Variants in CCNH observed in about 807,000 individuals in gnomAD.
The protein encoded by CCNH is cyclin-H.
CCNH carries 31 observed loss-of-function variants against 41.9 expected under a neutral mutation model. The ratio of observed to expected loss-of-function variants is 0.74; its 90% CI spans 0.56 to 1.00. The LOEUF (loss-of-function observed/expected upper bound fraction) is 1.00, where lower values mean the gene tolerates loss of function less well. Ranked by LOEUF, CCNH falls within the 50% of genes least tolerant of loss-of-function variation. The probability of loss-of-function intolerance (pLI) is 0.00; values close to 1 mark genes in which losing one functional copy is unlikely to be tolerated. For missense variants in CCNH, 362 were observed against 388.4 expected (o/e 0.93, Z 0.57); for synonymous variants, 138 against 136.1 (o/e 1.01, Z -0.10).
intron 9 of CCNH, among the ~76,000 whole-genome samples, chr5:87,344,567 T>A (rs565718115): frequency 8.5e-5 from 13 of 152,164 alleles, no homozygotes; most frequent in Non-Finnish European, 1.6e-4. Context: ...CGGAGTGCAG[T>A]AGTGCTATCA....
At chr5:87,338,230 G>A in intron 9 of CCNH, 1 of 1,359,726 alleles carries the variant, frequency 7.4e-7, no homozygotes. Context: ...AATTATAAGT[G>A]CTGTTTGTTA....
chr5:87,329,892 A>T (rs573979425), intron 9 of CCNH, among the ~76,000 whole-genome samples: 1 of 152,266 alleles, frequency 6.6e-6, no homozygotes, highest in East Asian at 1.9e-4. Flanking sequence ...CTTAGGGTTC[A>T]TTTACGATCT....
chr5:87,348,594 T>C (rs912910007), intron 9 of CCNH, among the ~76,000 whole-genome samples: 1 of 152,018 alleles, frequency 6.6e-6, no homozygotes, highest in Admixed American at 6.6e-5. Flanking sequence ...GAATCTACCT[T>C]TATAAAAAGC....
At chr5:87,379,469 C>CT (rs1262826271), upstream of CCNH, among the ~76,000 whole-genome samples, 5 of 152,098 alleles carry the variant, frequency 3.3e-5, no homozygotes, top group Non-Finnish European at 7.4e-5. Flanking sequence ...TTTTAATCAG[C>CT]TTTTTTTCCC....
At chr5:87,376,634 C>G in exon 1 of CCNH, 2 of 1,534,178 alleles carry the variant, frequency 1.3e-6, no homozygotes, top group South Asian at 1.1e-5. Flanking sequence ...AATAAAAGAT[C>G]CATTAAGGTA....
At chr5:87,376,883 T>C (rs752466884) in exon 1 of CCNH, 1 of 1,601,592 alleles carries the variant, frequency 6.2e-7, no homozygotes, top group Non-Finnish European at 8.6e-7. Context: ...CATTTTAGCT[T>C]ATACTGCAAA....
intron 9 of CCNH, among the ~76,000 whole-genome samples, chr5:87,356,776 T>A (rs1316218085): frequency 3.3e-5 from 5 of 152,198 alleles, no homozygotes; most frequent in Non-Finnish European, 7.3e-5. Context: ...TAAACATAAC[T>A]TATACGTGCA....
In CCNH at chr5:87,369,980, G is replaced by A. The variant is rs1365859857; in HGVS notation, c.*90+22790C>T. 26 of 1,184,418 alleles carry A rather than the reference G, an allele frequency of 2.2e-5. No individual in the cohort carries two copies. The East Asian group carries it at 2.4e-4, about 11-fold the overall frequency. 73.4% of individuals were successfully genotyped at this position (1,184,418 alleles called of 1,614,324 possible). On this transcript the variant is annotated intron_variant and NMD_transcript_variant, in intron 9 of 9. Transcript: ENST00000645953. ...TTATTAACTGGAATAGAAAATGATC[G>A]CATTCAAGATAAAGTGACAGAACGC...
downstream of CCNH, among the ~76,000 whole-genome samples, chr5:87,313,474 C>T (rs758898327): frequency 1.2e-3 from 183 of 152,238 alleles, 1 homozygote; most frequent in Middle Eastern, 3.4e-3. Context: ...TTTCAGTAAG[C>T]GATTATGACT....
downstream of CCNH, among the ~76,000 whole-genome samples, chr5:87,374,497 T>C (rs1298347859): frequency 1.3e-5 from 2 of 150,132 alleles, no homozygotes; most frequent in Non-Finnish European, 3.0e-5. Context: ...TCACCTTTAT[T>C]TGTGAAGTGC....
At chr5:87,332,770 G>T in intron 9 of CCNH, 1 of 971,704 alleles carries the variant, frequency 1.0e-6, no homozygotes, top group Non-Finnish European at 1.5e-6. Context: ...TTTTAATTCG[G>T]GTTATAATGT....
upstream of CCNH, among the ~76,000 whole-genome samples, chr5:87,381,519 AGTTT>A (rs1761715944): frequency 6.6e-6 from 1 of 152,196 alleles, no homozygotes; most frequent in Non-Finnish European, 1.5e-5. Flanking sequence ...ATTATTACAC[AGTTT>A]GTTTTGAAAA....
chr5:87,403,501 G>A (rs1027378992), intron 5 of CCNH, among the ~76,000 whole-genome samples: 6 of 152,198 alleles, frequency 3.9e-5, no homozygotes, highest in African/African-American at 1.4e-4. Flanking sequence ...CTGCAGGCCA[G>A]GTATGGTGGT....
chr5:87,322,831 C>A (rs527802109), intron 9 of CCNH, among the ~76,000 whole-genome samples: 1 of 152,116 alleles, frequency 6.6e-6, no homozygotes, highest in East Asian at 1.9e-4. Flanking sequence ...AAAATAACAC[C>A]ACAAGAAGGA....
At chr5:87,385,658 A>G (rs759495218) in intron 9 of CCNH, among the ~76,000 whole-genome samples, 2 of 152,114 alleles carry the variant, frequency 1.3e-5, no homozygotes, top group Non-Finnish European at 2.9e-5. Flanking sequence ...ATAATCAATG[A>G]GTACATTTTA....
At chr5:87,351,751 G>A (rs188225078) in intron 9 of CCNH, among the ~76,000 whole-genome samples, 2 of 151,800 alleles carry the variant, frequency 1.3e-5, no homozygotes, top group East Asian at 3.9e-4. Context: ...AAACTCTTAA[G>A]TCTAGCTCAT....
upstream of CCNH, chr5:87,380,365 C>G (rs890279708): frequency 8.1e-6 from 6 of 745,108 alleles, no homozygotes; most frequent in Non-Finnish European, 1.4e-5. Flanking sequence ...CTAAATGCCT[C>G]ATTACCTGTG....
At chr5:87,408,666 T>C (rs1425012678) in intron 3 of CCNH, among the ~76,000 whole-genome samples, 1 of 152,158 alleles carries the variant, frequency 6.6e-6, no homozygotes, top group African/African-American at 2.4e-5. Context: ...AGGGACAAAC[T>C]TGTGAAATTC....
chr5:87,374,291 C>T, downstream of CCNH: 1 of 1,605,788 alleles, frequency 6.2e-7, no homozygotes, highest in Non-Finnish European at 8.5e-7. Flanking sequence ...AAGGGCAAAA[C>T]CCAGTATGGT....
Sources: allele counts gnomAD v4.1 joint callset (sites outside exome capture counted in the v4.1 genomes callset), GRCh38; gene constraint gnomAD v4.1.1; transcripts MANE v1.5; gene names NCBI Gene and HGNC (gene_info 2026-07-23, HGNC 2026-07-21).